The following PBRM1 variants were observed in gnomAD, a reference collection of about 807,000 sequenced individuals.
PBRM1 encodes protein polybromo-1.
PBRM1 carries 27 observed loss-of-function variants against 194.5 expected under a neutral mutation model. The observed-to-expected ratio is 0.14, with a 90% CI of 0.10 to 0.19. The LOEUF is 0.19. PBRM1 is among the 10% of genes least tolerant of loss of function. The probability of loss-of-function intolerance (pLI) is 1.00; values close to 1 mark genes in which losing one functional copy is unlikely to be tolerated. For synonymous variants in PBRM1, 655 were observed against 693.2 expected (o/e 0.94, Z 0.87); for missense variants, 1,466 against 2,077.2 (o/e 0.71, Z 5.72).
In PBRM1 at chr3:52,668,567, C is replaced by T. The variant is rs143274687; in HGVS notation, c.315G>A (p.Glu105=). Residue 105 remains glutamate, a synonymous_variant, in exon 3 of 30, where the codon GAG becomes GAA. Coordinates refer to ENST00000296302, the Ensembl canonical transcript of PBRM1. ...CAGTCAGCAAATTAACATCATCATA[C>T]TCTTCCATTTTTAGTTTCTGTTGGA... The T allele has an allele frequency of 6.1e-5, 98 of 1,606,932 alleles. 1 individual carries two copies. In the Middle Eastern group the frequency reaches 4.5e-3, roughly 73 times the overall value.
intron 13 of PBRM1, 31 bp downstream of exon 15, chr3:52,624,866 G>A: frequency 1.4e-6 from 2 of 1,403,384 alleles, no homozygotes; most frequent in Non-Finnish European, 2.0e-6. Flanking sequence ...CACTTTAAAA[G>A]AATGTTTATG....
chr3:52,660,098 C>A (rs1370635390), intron 4 of PBRM1, among the ~76,000 whole-genome samples: 4 of 152,026 alleles, frequency 2.6e-5, no homozygotes, highest in African/African-American at 4.8e-5. Flanking sequence ...CTCAAAAAAA[C>A]AAAATTTGAA....
At chr3:52,548,147 C>A (rs2153308658) in exon 30 of PBRM1, 1 of 1,610,568 alleles carries the variant, frequency 6.2e-7, no homozygotes, top group Non-Finnish European at 8.5e-7. Flanking sequence ...GGGCATCTGC[C>A]ATGGTGGTGT....
Position 52,651,737 on chromosome 3 carries a change from C to T in PBRM1, c.714+5G>A. ...ACAATCATTTACTTATGGTCATCTT[C>T]ATACCTGTATCCTCTGGGCAATGGT... On this transcript the variant is annotated splice_donor_5th_base_variant and intron_variant, in intron 6 of 29. Transcript: ENST00000296302. 6.5e-7 allele frequency: 1 copy of T among 1,541,444 alleles called. No homozygotes were observed. Among genetic ancestry groups the T allele is most frequent in the Non-Finnish European group, 8.9e-7 (1 of 1,119,966 alleles).
chr3:52,625,168 A>T (rs1477220314), intron 13 of PBRM1, among the ~76,000 whole-genome samples: 3 of 151,998 alleles, frequency 2.0e-5, no homozygotes, highest in Admixed American at 6.6e-5. Flanking sequence ...CTTTAGTATT[A>T]AAAAAAAGGC....
chr3:52,681,128 A>G (rs1172967132), upstream of PBRM1: 1 of 151,172 alleles, frequency 6.6e-6, no homozygotes, highest in Admixed American at 6.6e-5. Flanking sequence ...TGTAAGGCAC[A>G]TGGAAACACT....
At chr3:52,579,352 A>C in intron 20 of PBRM1, 153 bp from the exon 23 acceptor site, 1 of 667,284 alleles carries the variant, frequency 1.5e-6, no homozygotes, top group South Asian at 1.9e-5. Flanking sequence ...TTGGGAGGCC[A>C]AGGCAGGACG....
intron 21 of PBRM1, 108 bp from the exon 24 acceptor site, chr3:52,576,806 GAGTTTCA>G: frequency 1.5e-6 from 1 of 656,996 alleles, no homozygotes; most frequent in Non-Finnish European, 2.5e-6. Context: ...CCATTCAGAG[GAGTTTCA>G]CTGGCTGTTT....
At chr3:52,637,667 C>T (rs1287744994) in intron 10 of PBRM1, among the ~76,000 whole-genome samples, 3 of 149,418 alleles carry the variant, frequency 2.0e-5, no homozygotes, top group South Asian at 4.3e-4. Flanking sequence ...GTAGCTCATG[C>T]TTGTAATCCT....
At position 52,598,809 on chromosome 3, in the gene PBRM1, T is replaced by C. The variant is rs988676270; in HGVS notation, c.2779+4712A>G. ...GCGGAAGCAGGCAGATGACCTGATG[T>C]CAGGAGTTAAGAGACCAGCCTGGCC... On this transcript the variant is annotated intron_variant, in intron 17 of 29. Transcript: ENST00000296302. 1.3e-4 allele frequency among the ~76,000 whole-genome samples: 20 copies of C among 152,132 alleles called. 3 individuals carry two copies. Among genetic ancestry groups the C allele is most frequent in the Admixed American group, 5.9e-4 (9 of 15,290 alleles).
intron 25 of PBRM1, among the ~76,000 whole-genome samples, chr3:52,559,715 G>GGCCTTT (rs1403067244): frequency 6.6e-6 from 1 of 152,072 alleles, no homozygotes; most frequent in Admixed American, 6.6e-5. Flanking sequence ...AGCAATCAAA[G>GGCCTTT]GCCTCTTGGC....
chr3:52,673,636 CACTCCAGCCTGG>C (rs1321901541), intron 2 of PBRM1, among the ~76,000 whole-genome samples: 1 of 137,772 alleles, frequency 7.3e-6, no homozygotes, highest in Non-Finnish European at 1.5e-5. Flanking sequence ...TGTGCCACTG[CACTCCAGCCTGG>C]GCAACAGAGT....
chr3:52,653,586 T>A (rs1171547379), intron 5 of PBRM1, among the ~76,000 whole-genome samples: 2 of 103,312 alleles, frequency 1.9e-5, no homozygotes, highest in Non-Finnish European at 3.9e-5. Flanking sequence ...CAGAATTCTG[T>A]CTCAAAAAAA....
chr3:52,645,895 G>T (rs1209612330), intron 7 of PBRM1, among the ~76,000 whole-genome samples: 7 of 152,124 alleles, frequency 4.6e-5, no homozygotes, highest in South Asian at 2.1e-4. Context: ...AGAACCATAC[G>T]AAAGCAAAAC....
chr3:52,665,212 T>G (rs772648313), intron 3 of PBRM1, among the ~76,000 whole-genome samples: 1 of 152,192 alleles, frequency 6.6e-6, no homozygotes, highest in Non-Finnish European at 1.5e-5. Flanking sequence ...TGAAGTGCAG[T>G]GGCATGATCA....
intron 16 of PBRM1, among the ~76,000 whole-genome samples, chr3:52,604,271 T>A (rs2094195053): frequency 6.6e-6 from 1 of 152,222 alleles, no homozygotes; most frequent in African/African-American, 2.4e-5. Context: ...GTTACAGGCC[T>A]CAGAGTTAAT....
rs562149625 is a variant in PBRM1 at position 52,638,664 on chromosome 3, G to C, written c.1087+3290C>G. On this transcript the variant is annotated intron_variant, in intron 10 of 29. Coordinates refer to ENST00000296302, the Ensembl canonical transcript of PBRM1. ...GCTAGAGTGTAGTGGAATAATCATA[G>C]CTTACGGCAAACTTGAACTCCTGGG... is the stretch of plus-strand genomic sequence containing the variant. 5.9e-5 allele frequency among the ~76,000 whole-genome samples: 9 copies of C among 152,028 alleles called. No homozygotes were observed. The South Asian group carries it at 6.2e-4, about 11-fold the overall frequency.
chr3:52,586,440 A>C, exon 20 of PBRM1: 1 of 1,611,786 alleles, frequency 6.2e-7, no homozygotes, highest in South Asian at 1.1e-5. Context: ...CCAAGTTAAA[A>C]TTGTCTTCAG....
intron 3 of PBRM1, among the ~76,000 whole-genome samples, chr3:52,668,174 A>G (rs2153984021): frequency 6.6e-6 from 1 of 152,172 alleles, no homozygotes; most frequent in East Asian, 1.9e-4. Flanking sequence ...GCACGTGCCT[A>G]TAGTGCCAGC....
Sources: allele counts gnomAD v4.1 joint callset (sites outside exome capture counted in the v4.1 genomes callset), GRCh38; gene constraint gnomAD v4.1.1; transcripts MANE v1.5; gene names NCBI Gene and HGNC (gene_info 2026-07-23, HGNC 2026-07-21).